PRTFDC1: variants seen among roughly 807,000 people sequenced by gnomAD.
PRTFDC1 encodes the protein phosphoribosyl transferase domain containing 1.
In PRTFDC1, 38 loss-of-function variants were observed where a neutral mutation model predicts 34.6. The observed-to-expected ratio is 1.10, with a 90% CI of 0.85 to 1.44. The LOEUF (loss-of-function observed/expected upper bound fraction) is 1.44. PRTFDC1 is among the 40% of genes most tolerant of loss of function. The pLI, the probability that PRTFDC1 is intolerant of heterozygous loss-of-function variation, is 0.00. For missense variants in PRTFDC1, 270 were observed against 283.0 expected (o/e 0.95, Z 0.33); for synonymous variants, 93 against 98.1 (o/e 0.95, Z 0.31).
intron 3 of PRTFDC1, among the ~76,000 whole-genome samples, chr10:24,915,589 T>C (rs1194915223): frequency 1.3e-5 from 2 of 152,216 alleles, no homozygotes; most frequent in African/African-American, 4.8e-5. Flanking sequence ...ACTGGTTCTT[T>C]GTTCTTAAAG....
chr10:24,908,738 G>T, intron 3 of PRTFDC1: 1 of 1,517,408 alleles, frequency 6.6e-7, no homozygotes. Flanking sequence ...CACCTACCTA[G>T]CCAGCCCGAT....
At chr10:24,892,474 A>G (rs114153730) in intron 3 of PRTFDC1, among the ~76,000 whole-genome samples, 2,865 of 151,680 alleles carry the variant, frequency 0.019, 79 homozygotes, top group African/African-American at 0.066. Context: ...TCTGGTTTTG[A>G]TTTGCATTTC....
In PRTFDC1 at chr10:24,849,849, C is replaced by A. The variant is rs754266379; in HGVS notation, c.673G>T (p.Val225Phe). Residue 225 changes from valine to phenylalanine, a missense_variant, in exon 9 of 9, where the codon GTC (valine) becomes TTC (phenylalanine). Transcript: ENST00000320152. ...INEHGKEKYR[V>F] is the part of the protein sequence containing the mutation. ...AGTGGTGAGAATTCATGTCTTTAGA[C>A]TCGATATTTTTCTTTACCGTGCTCA... The A allele has an allele frequency of 2.5e-5, 40 of 1,613,712 alleles. No homozygotes were observed. The highest frequency in any genetic ancestry group is 3.4e-5 in the Non-Finnish European group (40 of 1,179,832).
At chr10:24,924,847 T>C (rs1288305964) in intron 3 of PRTFDC1, among the ~76,000 whole-genome samples, 1 of 152,154 alleles carries the variant, frequency 6.6e-6, no homozygotes, top group Non-Finnish European at 1.5e-5. Context: ...TATGGAGAAA[T>C]AGGAACACTT....
chr10:24,919,049 G>A (rs1296511241), intron 3 of PRTFDC1, among the ~76,000 whole-genome samples: 1 of 152,150 alleles, frequency 6.6e-6, no homozygotes, highest in Non-Finnish European at 1.5e-5. Context: ...TTATCAGGTT[G>A]TGGTGGGCAC....
intron 4 of PRTFDC1, chr10:24,867,695 G>A (rs1847803179): frequency 6.6e-6 from 1 of 151,462 alleles, no homozygotes; most frequent in Admixed American, 6.6e-5. Flanking sequence ...TAGGCTTTGT[G>A]GAATTTTCTT....
intron 4 of PRTFDC1, 70 bp downstream of exon 4, chr10:24,871,928 C>T (rs1469018349): frequency 1.5e-6 from 2 of 1,338,092 alleles, no homozygotes; most frequent in Non-Finnish European, 1.1e-6. Context: ...CCTGTGAGTG[C>T]TGACCTGAAA....
chr10:24,913,884 A>T (rs982157971), intron 3 of PRTFDC1, among the ~76,000 whole-genome samples: 2 of 152,174 alleles, frequency 1.3e-5, no homozygotes, highest in African/African-American at 4.8e-5. Context: ...TTATTTTTAA[A>T]TGGGGTTTGG....
chr10:24,903,276 G>A (rs1002532293), intron 3 of PRTFDC1, among the ~76,000 whole-genome samples: 1 of 152,114 alleles, frequency 6.6e-6, no homozygotes. Flanking sequence ...CTTTTACTAA[G>A]GTGCATTTAC....
intron 8 of PRTFDC1, 136 bp from the exon 9 acceptor site, chr10:24,850,027 T>A: frequency 3.7e-6 from 3 of 810,078 alleles, no homozygotes; most frequent in Non-Finnish European, 6.0e-6. Flanking sequence ...TATTTATATG[T>A]GTGGGTAAAA....
chr10:24,902,039 TCCTGGTGACGATC>T (rs1190598095), intron 3 of PRTFDC1, among the ~76,000 whole-genome samples: 2 of 152,112 alleles, frequency 1.3e-5, no homozygotes, highest in Non-Finnish European at 2.9e-5. Flanking sequence ...AAGGGGTGTG[TCCTGGTGACGATC>T]CCTGCACAGC....
intron 1 of PRTFDC1, among the ~76,000 whole-genome samples, chr10:24,950,173 T>A (rs1021663334): frequency 5.9e-5 from 9 of 152,208 alleles, no homozygotes; most frequent in African/African-American, 7.2e-5. Context: ...TTCAACAATT[T>A]ACCTACTCTA....
At chr10:24,892,723 C>G (rs1848286021) in intron 3 of PRTFDC1, among the ~76,000 whole-genome samples, 1 of 151,922 alleles carries the variant, frequency 6.6e-6, no homozygotes, top group African/African-American at 2.4e-5. Flanking sequence ...GGTCCACAAG[C>G]AGAAAGAGAC....
intron 3 of PRTFDC1, among the ~76,000 whole-genome samples, chr10:24,894,329 CA>C (rs199529794): frequency 0.19 from 19,145 of 98,678 alleles, 1,473 homozygotes; most frequent in African/African-American, 0.29. Context: ...GACTCAATCT[CA>C]AAAAAAAAAA....
chr10:24,936,607 A>C (rs976441663), intron 3 of PRTFDC1, among the ~76,000 whole-genome samples: 1 of 152,210 alleles, frequency 6.6e-6, no homozygotes, highest in African/African-American at 2.4e-5. Context: ...TTGGAGAATA[A>C]TTCCATTAAT....
intron 5 of PRTFDC1, among the ~76,000 whole-genome samples, chr10:24,857,776 T>C (rs1249116873): frequency 6.6e-6 from 1 of 152,166 alleles, no homozygotes; most frequent in Non-Finnish European, 1.5e-5. Context: ...TTTTTGCTGT[T>C]TGATGAGACA....
At chr10:24,943,817 G>C (rs939777677) in intron 1 of PRTFDC1, among the ~76,000 whole-genome samples, 2 of 152,018 alleles carry the variant, frequency 1.3e-5, no homozygotes, top group African/African-American at 4.8e-5. Context: ...CTCCCAAAGT[G>C]CTGGGATTAC....
intron 3 of PRTFDC1, among the ~76,000 whole-genome samples, chr10:24,919,148 C>A (rs1848742657): frequency 6.6e-6 from 1 of 152,080 alleles, no homozygotes; most frequent in South Asian, 2.1e-4. Flanking sequence ...AAATCAAATT[C>A]AACTTTTAAA....
intron 3 of PRTFDC1, among the ~76,000 whole-genome samples, chr10:24,874,503 T>G (rs1398483061): frequency 6.6e-6 from 1 of 152,184 alleles, no homozygotes; most frequent in Non-Finnish European, 1.5e-5. Context: ...TATACAGAAT[T>G]GAATACAACT....
Sources: allele counts gnomAD v4.1 joint callset (sites outside exome capture counted in the v4.1 genomes callset), GRCh38; gene constraint gnomAD v4.1.1; transcripts MANE v1.5; gene names NCBI Gene and HGNC (gene_info 2026-07-23, HGNC 2026-07-21).